Variants in DNPEP observed in about 807,000 individuals in gnomAD.
The protein encoded by DNPEP is aspartyl aminopeptidase.
In DNPEP, 46 loss-of-function variants were observed where a neutral mutation model predicts 59.1. The observed-to-expected ratio is 0.78, with a 90% confidence interval of 0.61 to 0.99. The LOEUF is 0.99. DNPEP is among the 50% of genes least tolerant of loss of function. The pLI, the probability that DNPEP is intolerant of heterozygous loss-of-function variation, is 0.00. For synonymous variants in DNPEP, 229 were observed against 242.2 expected (o/e 0.95, Z 0.50); for missense variants, 617 against 649.9 (o/e 0.95, Z 0.55).
At chr2:219,393,092 A>G (rs1954043919), upstream of DNPEP, among the ~76,000 whole-genome samples, 1 of 152,210 alleles carries the variant, frequency 6.6e-6, no homozygotes, top group African/African-American at 2.4e-5. Flanking sequence ...CCTGGGCCAC[A>G]TTGGAAGAAG....
intron 13 of DNPEP, among the ~76,000 whole-genome samples, chr2:219,375,490 CTAAA>C (rs1225812336): frequency 2.0e-5 from 3 of 150,834 alleles, no homozygotes; most frequent in African/African-American, 7.5e-5. Context: ...AACTATTTAA[CTAAA>C]TAAGAATAAT....
chr2:219,384,347 G>A lies in DNPEP; in HGVS notation c.852+19C>T. On this transcript the variant is annotated intron_variant, in intron 9 of 14. Transcript: ENST00000273075. ...TCTGCTGGTGGTTATGTGCTGCCTG[G>A]GGCGCCCCGGCTCCTCACCTGCAGG... 1 of 1,599,242 alleles carries A rather than the reference G, an allele frequency of 6.3e-7. No individual in the cohort carries two copies. The highest frequency in any genetic ancestry group is 8.5e-7 in the Non-Finnish European group (1 of 1,173,238).
intron 13 of DNPEP, among the ~76,000 whole-genome samples, chr2:219,376,656 T>A (rs1450132966): frequency 6.6e-6 from 1 of 152,116 alleles, no homozygotes; most frequent in Non-Finnish European, 1.5e-5. Context: ...CCTAGTTGAT[T>A]GGAGGGAAGA....
At chr2:219,387,919 C>A (rs1419478556), upstream of DNPEP, 17 of 1,371,558 alleles carry the variant, frequency 1.2e-5, no homozygotes, top group African/African-American at 1.4e-4. Flanking sequence ...CTTCCCCGGC[C>A]GCGCCGCCCC....
intron 13 of DNPEP, among the ~76,000 whole-genome samples, chr2:219,376,445 G>A (rs1953374412): frequency 6.8e-6 from 1 of 147,548 alleles, no homozygotes; most frequent in South Asian, 2.1e-4. Flanking sequence ...CTGAGATTGC[G>A]ACACTACACT....
intron 13 of DNPEP, among the ~76,000 whole-genome samples, chr2:219,377,210 G>A (rs918962400): frequency 3.0e-5 from 4 of 132,808 alleles, no homozygotes; most frequent in African/African-American, 1.1e-4. Flanking sequence ...GGAGGCGGAG[G>A]TTGCAATGAG....
At position 219,394,152 on chromosome 2, in the gene DNPEP, C is replaced by T. The variant is rs1185962260; in HGVS notation, c.-158+5788G>A. Among the ~76,000 whole-genome samples the T allele has an allele frequency of 2.0e-5, 3 of 152,078 alleles. No homozygotes were observed. In the South Asian group the frequency reaches 6.2e-4, roughly 32 times the overall value. ...ATCTAGTCTTATGTTTTCCCGATTC[C>T]TCTCCTCCCATTCTCTTGTAAATCC... On this transcript the variant is annotated intron_variant, in intron 1 of 6. Transcript: ENST00000434339.
chr2:219,392,541 CTCTGTTG>C (rs1954035133), upstream of DNPEP, among the ~76,000 whole-genome samples: 1 of 152,074 alleles, frequency 6.6e-6, no homozygotes, highest in South Asian at 2.1e-4. Flanking sequence ...TGGAGTCTCA[CTCTGTTG>C]TCCAGGCTGG....
chr2:219,384,139 T>C (rs1953711672), intron 9 of DNPEP, among the ~76,000 whole-genome samples: 1 of 152,222 alleles, frequency 6.6e-6, no homozygotes, highest in Non-Finnish European at 1.5e-5. Flanking sequence ...CTTCTCCTCC[T>C]TCTTCTTGCC....
chr2:219,389,832 C>CAATAAATAAATAAATAAATAAATA (rs6147178), upstream of DNPEP, among the ~76,000 whole-genome samples: 103,823 of 142,706 alleles, frequency 0.73, 40,055 homozygotes, highest in Non-Finnish European at 0.84. Context: ...GATTCTGTCT[C>CAATAAATAAATAAATAAATAAATA]AATAAATAAA....
rs1158719970 is a variant in DNPEP at position 219,385,549 on chromosome 2, GCT to G, written c.667-20_667-19del. The G allele has an allele frequency of 1.2e-6, 2 of 1,606,852 alleles. No individual in the cohort carries two copies. The highest frequency in any genetic ancestry group is 1.7e-5 in the Admixed American group (1 of 59,782). On this transcript the variant is annotated intron_variant, in intron 7 of 14. Coordinates refer to ENST00000273075, the MANE Select transcript of DNPEP (RefSeq NM_012100.4). Reference sequence around the variant, plus strand: ...CGCTCATCCTGAAGAGCAGAAAGATGCTGGGAAGAGTCCATTCCTCCTCTCCT... The same window carrying G: ...CGCTCATCCTGAAGAGCAGAAAGATGGGGAAGAGTCCATTCCTCCTCTCCT...
At chr2:219,386,568 C>G (rs1243538741) in intron 4 of DNPEP, 97 bp downstream of exon 4, 1 of 1,442,774 alleles carries the variant, frequency 6.9e-7, no homozygotes, top group Non-Finnish European at 9.5e-7. Flanking sequence ...TCCCTTACTC[C>G]AGGGGATAGA....
rs1347569392 is a variant in DNPEP, at chr2:219,387,864, C to G, written c.-70G>C. 8 of 1,494,538 alleles carry G rather than the reference C, an allele frequency of 5.4e-6. No homozygotes were observed. Among genetic ancestry groups the G allele is most frequent in the Admixed American group, 2.4e-5 (1 of 41,812 alleles). 92.6% of individuals were successfully genotyped at this position (1,494,538 alleles called of 1,614,324 possible). A position where few individuals can be genotyped will look rare whatever the true frequency, so the allele number is the denominator to read the frequency against. On this transcript the variant is annotated 5_prime_UTR_variant, in exon 1 of 15. Transcript: ENST00000273075. ...CCCCTCACTAGCTTTGCAGGTCCCC[C>G]GCGTGCCCCTTCAGGCCGCGCCGCA...
chr2:219,397,731 A>G (rs1954122261), intron 1 of DNPEP, among the ~76,000 whole-genome samples: 1 of 152,220 alleles, frequency 6.6e-6, no homozygotes, highest in Non-Finnish European at 1.5e-5. Flanking sequence ...CAAGGGTTAC[A>G]GGCATGTGCC....
chr2:219,396,747 T>C (rs1354698209), intron 1 of DNPEP, among the ~76,000 whole-genome samples: 3 of 152,194 alleles, frequency 2.0e-5, no homozygotes, highest in Non-Finnish European at 4.4e-5. Flanking sequence ...CATCAAACCC[T>C]ACGCACACAC....
rs779531419 is a variant in DNPEP at position 219,387,169 on chromosome 2, G to A, written c.37-6C>T. ...GCCTTACCGTTCATGGCCACCTAGG[G>A]GAGGGGGATGCTCAGACTTTTACAA... On this transcript the variant is annotated splice_polypyrimidine_tract_variant and splice_region_variant and intron_variant, in intron 1 of 14. Coordinates refer to ENST00000273075, the MANE Select transcript of DNPEP (RefSeq NM_012100.4). 14 of 1,553,808 alleles carry A rather than the reference G, an allele frequency of 9.0e-6. No individual in the cohort carries two copies. The highest frequency in any genetic ancestry group is 1.7e-6 in the Non-Finnish European group (2 of 1,148,302).
At chr2:219,388,570 A>G (rs547991082), upstream of DNPEP, 29 of 381,398 alleles carry the variant, frequency 7.6e-5, no homozygotes, top group South Asian at 2.8e-3. Flanking sequence ...CACCCCCGTC[A>G]CCCACGCCGC....
At chr2:219,388,319 C>T (rs1368511060), upstream of DNPEP, among the ~76,000 whole-genome samples, 1 of 146,872 alleles carries the variant, frequency 6.8e-6, no homozygotes, top group Non-Finnish European at 1.5e-5. Context: ...CTCCGCCCCG[C>T]CCTTCGTCAG....
At chr2:219,387,418 C>G (rs1308931714) in intron 1 of DNPEP, 9 of 1,434,900 alleles carry the variant, frequency 6.3e-6, no homozygotes, top group Admixed American at 2.9e-5. Flanking sequence ...GTCCCGCCCC[C>G]ATGTCCCTGC....
Sources: gnomAD v4.1 joint callset for allele counts (sites outside exome capture counted in the v4.1 genomes callset) on GRCh38, gnomAD v4.1.1 for gene constraint, MANE v1.5 for transcripts, NCBI Gene and HGNC (gene_info 2026-07-23, HGNC 2026-07-21) for gene names.